CTIF: variants seen among roughly 807,000 people sequenced by gnomAD.
CTIF encodes the protein cap binding complex dependent translation initiation factor.
In CTIF, 21 loss-of-function variants were observed where a neutral mutation model predicts 66.0. That is an observed-to-expected ratio of 0.32 (90% CI 0.23 to 0.46). The LOEUF (loss-of-function observed/expected upper bound fraction) is 0.46, where lower values mean the gene tolerates loss of function less well. CTIF is among the 20% of genes least tolerant of loss of function. CTIF has a pLI of 1.00. For missense variants in CTIF, 739 were observed against 812.7 expected, an observed-to-expected ratio of 0.91 and a Z score of 1.10; for synonymous variants, 345 against 326.4, an observed-to-expected ratio of 1.06 and a Z score of -0.62.
intron 6 of CTIF, among the ~76,000 whole-genome samples, chr18:48,691,298 G>A (rs149378298): frequency 6.6e-6 from 1 of 152,190 alleles, no homozygotes. Context: ...CTGGGTGTTC[G>A]TGGCCCTCTG....
intron 7 of CTIF, among the ~76,000 whole-genome samples, chr18:48,732,803 T>A (rs1457615436): frequency 6.6e-6 from 1 of 152,252 alleles, no homozygotes. Context: ...GACAGAGCTG[T>A]CCAGATCCCA....
At chr18:48,710,381 G>A (rs375525116) in intron 6 of CTIF, among the ~76,000 whole-genome samples, 4 of 152,280 alleles carry the variant, frequency 2.6e-5, no homozygotes, top group Non-Finnish European at 4.4e-5. Context: ...TCAGGCTATG[G>A]CCTCTGCATC....
At chr18:48,714,725 T>C (rs982006279) in intron 7 of CTIF, among the ~76,000 whole-genome samples, 9 of 152,246 alleles carry the variant, frequency 5.9e-5, no homozygotes, top group Non-Finnish European at 8.8e-5. Flanking sequence ...CTGAATTATA[T>C]AGCAGTTTAG....
chr18:48,761,431 G>A lies in CTIF; in HGVS notation c.1113G>A (p.Lys371=), dbSNP rs1908976014. The A allele has an allele frequency of 6.2e-7, 1 of 1,613,954 alleles. No individual in the cohort carries two copies. The highest frequency in any genetic ancestry group is 8.5e-7 in the Non-Finnish European group (1 of 1,180,048). The change falls in exon 9 of 12, where the codon AAG becomes AAA. Residue 371 remains lysine (K), a synonymous_variant. Coordinates refer to ENST00000256413, the MANE Select transcript of CTIF (RefSeq NM_014772.3). This position sits in a 1 kb window ranked among gnomAD's most constrained non-coding sequence, Gnocchi z 4.2. ...AGACGACCACTCCCCAGCAGAACAA[G>A]ATGGACAAGCTGATCGAGATCCTGA... ...AVETTTPQQN[K]MDKLIEILNS...
At chr18:48,651,216 C>A (rs944226409) in intron 3 of CTIF, among the ~76,000 whole-genome samples, 1 of 152,152 alleles carries the variant, frequency 6.6e-6, no homozygotes, top group Non-Finnish European at 1.5e-5. Context: ...GATAAAGAGT[C>A]AAAACCCATC....
chr18:48,662,896 G>A (rs553385265), intron 3 of CTIF, among the ~76,000 whole-genome samples: 3 of 152,210 alleles, frequency 2.0e-5, no homozygotes, highest in African/African-American at 4.8e-5. Context: ...TTTATTTATC[G>A]AATCAGCTGA....
At chr18:48,596,646 T>A (rs1469321100) in intron 1 of CTIF, among the ~76,000 whole-genome samples, 1 of 151,940 alleles carries the variant, frequency 6.6e-6, no homozygotes, top group Non-Finnish European at 1.5e-5. Flanking sequence ...CCTGGCTAAT[T>A]TTTTGTATTT....
chr18:48,658,218 ATATG>A (rs1208563560), intron 3 of CTIF, among the ~76,000 whole-genome samples: 2 of 150,304 alleles, frequency 1.3e-5, no homozygotes, highest in Non-Finnish European at 1.5e-5. Context: ...GTGGGTGTGG[ATATG>A]TGTGTGTGTG....
intron 10 of CTIF, among the ~76,000 whole-genome samples, chr18:48,857,344 A>G (rs1255574722): frequency 6.6e-6 from 1 of 152,234 alleles, no homozygotes; most frequent in East Asian, 1.9e-4. Context: ...CAGGGGCTCC[A>G]CATCGCACCA....
intron 9 of CTIF, among the ~76,000 whole-genome samples, chr18:48,792,129 A>C (rs1201052411): frequency 6.6e-6 from 1 of 152,200 alleles, no homozygotes; most frequent in Non-Finnish European, 1.5e-5. Flanking sequence ...GTTGGGGGAC[A>C]ATTTTAAATA....
chr18:48,792,360 T>C (rs1002465176), intron 9 of CTIF, among the ~76,000 whole-genome samples: 1 of 151,892 alleles, frequency 6.6e-6, no homozygotes, highest in Non-Finnish European at 1.5e-5. Flanking sequence ...ATCTATAGGC[T>C]CACAAGGACG....
intron 11 of CTIF, among the ~76,000 whole-genome samples, chr18:48,858,539 G>A (rs889651932): frequency 2.6e-5 from 4 of 152,198 alleles, no homozygotes; most frequent in Non-Finnish European, 4.4e-5. Context: ...AGGTCAGGAA[G>A]GGCTCAGGGG....
rs146360922 is a variant in CTIF at position 48,725,915 on chromosome 18, G to T, written c.584+14220G>T. ...GTCATATCACAGGAGCCACACCAGG[G>T]CCCTTATTCCAGCCTAATGTGTAGG... On this transcript the variant is annotated intron_variant, in intron 7 of 11. Coordinates refer to ENST00000256413, the MANE Select transcript of CTIF (RefSeq NM_014772.3). Among the ~76,000 whole-genome samples the T allele has an allele frequency of 1.2e-3, 177 of 152,190 alleles. 1 individual carries two copies. Among genetic ancestry groups the T allele is most frequent in the Admixed American group, 3.5e-3 (53 of 15,298 alleles).
intron 2 of CTIF, among the ~76,000 whole-genome samples, chr18:48,620,576 G>A (rs2090475484): frequency 6.6e-6 from 1 of 152,192 alleles, no homozygotes; most frequent in Non-Finnish European, 1.5e-5. Context: ...TGGGAATTAT[G>A]CTGTTGCCTC....
chr18:48,862,192 T>A lies in CTIF; in HGVS notation c.*2633T>A, dbSNP rs1356537922. On this transcript the variant is annotated 3_prime_UTR_variant, in exon 12 of 12. Coordinates refer to ENST00000256413, the MANE Select transcript of CTIF (RefSeq NM_014772.3). The stretch of plus-strand genomic sequence containing the variant: ...TGGCCCCCTCCCCAAGTCCATCCCC[T>A]CTCTGTGGCATGAGGAAGGCCGCGT... The A allele has an allele frequency of 6.6e-6, 1 of 152,064 alleles. No homozygotes were observed. Among genetic ancestry groups the A allele is most frequent in the East Asian group, 1.9e-4 (1 of 5,188 alleles). 9.4% of individuals were successfully genotyped at this position (152,064 alleles called of 1,614,324 possible).
intron 6 of CTIF, among the ~76,000 whole-genome samples, chr18:48,690,567 G>A (rs2091911623): frequency 6.6e-6 from 1 of 152,092 alleles, no homozygotes; most frequent in Non-Finnish European, 1.5e-5. Flanking sequence ...AGTACAGAAG[G>A]GCCAGGTCTG....
intron 10 of CTIF, among the ~76,000 whole-genome samples, chr18:48,827,088 C>T (rs1339660125): frequency 6.6e-6 from 1 of 152,028 alleles, no homozygotes; most frequent in East Asian, 1.9e-4. Context: ...AGAGAGGGCC[C>T]GATGAGCGAG....
intron 10 of CTIF, among the ~76,000 whole-genome samples, chr18:48,833,472 G>A (rs1220284103): frequency 2.6e-5 from 4 of 151,944 alleles, no homozygotes; most frequent in South Asian, 2.1e-4. Context: ...CTCTCTAAAT[G>A]CCCCCCTGCC....
Position 48,568,633 on chromosome 18 carries a change from T to TAAAAAAAAAAAAAGAAAAAAAA in CTIF, c.-29+29334_-29+29335insGAAAAAAAAAAAAAAAAAAAAA, listed in dbSNP as rs2089332245. 1.6e-4 allele frequency among the ~76,000 whole-genome samples: 6 copies of TAAAAAAAAAAAAAGAAAAAAAA among 36,622 alleles called. 1 individual carries two copies. Among genetic ancestry groups the TAAAAAAAAAAAAAGAAAAAAAA allele is most frequent in the Non-Finnish European group, 3.6e-4 (6 of 16,556 alleles). The allele number at this position is 36,622 out of a possible 152,430, so 24.0% of individuals were successfully genotyped here. ...GAAATACCTGAGACTGGGCAATTTGTAAAAAAAAAAAAAAAAAAAAAAAAA... is the reference window on the plus strand; with the variant it reads ...GAAATACCTGAGACTGGGCAATTTGTAAAAAAAAAAAAAGAAAAAAAAAAAAAAAAAAAAAAAAAAAAAAAAA... On this transcript the variant is annotated intron_variant, in intron 1 of 11. Coordinates refer to ENST00000256413, the MANE Select transcript of CTIF (RefSeq NM_014772.3).
Sources: gnomAD v4.1 joint callset for allele counts (sites outside exome capture counted in the v4.1 genomes callset) on GRCh38, gnomAD v4.1.1 for gene constraint, Gnocchi (gnomAD v3.1) non-coding constraint, MANE v1.5 for transcripts, NCBI Gene and HGNC (gene_info 2026-07-23, HGNC 2026-07-21) for gene names.